The following STAU2 variants were observed in gnomAD, a reference collection of about 807,000 sequenced individuals.
STAU2 encodes double-stranded RNA-binding protein Staufen homolog 2.
A neutral mutation model predicts 65.9 loss-of-function variants in STAU2; 20 were observed. The ratio of observed to expected loss-of-function variants is 0.30; its 90% confidence interval spans 0.21 to 0.44. The LOEUF is 0.44. STAU2 is among the 20% of genes least tolerant of loss of function. The pLI is 1.00. For missense variants in STAU2, 558 were observed against 683.9 expected, an observed-to-expected ratio of 0.82 and a Z score of 2.05; for synonymous variants, 232 against 233.9, an observed-to-expected ratio of 0.99 and a Z score of 0.07.
intron 12 of STAU2, among the ~76,000 whole-genome samples, chr8:73,574,987 C>G (rs1001328465): frequency 7.3e-5 from 11 of 150,462 alleles, no homozygotes; most frequent in African/African-American, 2.2e-4. Context: ...ATTTATTATA[C>G]CCAACTTACA....
intron 10 of STAU2, among the ~76,000 whole-genome samples, chr8:73,599,022 G>T (rs1811427765): frequency 6.6e-6 from 1 of 152,112 alleles, no homozygotes; most frequent in Non-Finnish European, 1.5e-5. Context: ...ATGGATTGAA[G>T]ACAATACTAA....
At chr8:73,423,919 G>A (rs28760381) in intron 13 of STAU2, among the ~76,000 whole-genome samples, 12,440 of 152,112 alleles carry the variant, frequency 0.082, 692 homozygotes, top group Admixed American at 0.17. Flanking sequence ...GAAGTCCATG[G>A]TTTACATAAG....
In STAU2 at chr8:73,516,002, T is replaced by C. The variant is rs1425239166; in HGVS notation, c.1530+36010A>G. On this transcript the variant is annotated intron_variant, in intron 13 of 14. Transcript: ENST00000524300. ...AGGTTGGAGTGCAGTGATGTGATCA[T>C]GACTCATTGAAGCCTCAAACTCCCA... 2.7e-5 allele frequency among the ~76,000 whole-genome samples: 4 copies of C among 150,840 alleles called. No individual in the cohort carries two copies. The East Asian group carries it at 7.8e-4, about 30-fold the overall frequency.
chr8:73,579,890 C>A (rs1809857638), intron 12 of STAU2, among the ~76,000 whole-genome samples: 1 of 152,158 alleles, frequency 6.6e-6, no homozygotes, highest in African/African-American at 2.4e-5. Context: ...ACTTGCAAAA[C>A]CATTTAAACT....
rs76447116 is a variant in STAU2 at position 73,477,946 on chromosome 8, T to G, written c.1531-55244A>C. On this transcript the variant is annotated intron_variant, in intron 13 of 14. Coordinates refer to ENST00000524300, the MANE Select transcript of STAU2 (RefSeq NM_001164380.2). Reference sequence around the variant, plus strand: ...TTTTGATAACTTTATAGAAACAAATTCATTATACTGCTCTACAAACCAATC... The same window carrying G: ...TTTTGATAACTTTATAGAAACAAATGCATTATACTGCTCTACAAACCAATC... 7.4e-4 allele frequency among the ~76,000 whole-genome samples: 112 copies of G among 152,224 alleles called. 4 individuals are homozygous for G. In the East Asian group the frequency reaches 0.021, roughly 28 times the overall value.
At chr8:73,742,229 G>A (rs1806933958) in intron 1 of STAU2, 1 of 984,212 alleles carries the variant, frequency 1.0e-6, no homozygotes, top group South Asian at 4.7e-5. Flanking sequence ...ACTACCTTTG[G>A]TTTCATAAAA....
chr8:73,473,826 C>T (rs1820171556), intron 13 of STAU2, among the ~76,000 whole-genome samples: 1 of 152,182 alleles, frequency 6.6e-6, no homozygotes, highest in South Asian at 2.1e-4. Context: ...CCCACCTCAC[C>T]CTCATGCCAA....
intron 13 of STAU2, among the ~76,000 whole-genome samples, chr8:73,472,245 C>A (rs192853529): frequency 1.3e-5 from 2 of 152,244 alleles, no homozygotes; most frequent in East Asian, 3.9e-4. Context: ...TTGGGTAACA[C>A]CCAATCAAAA....
intron 13 of STAU2, among the ~76,000 whole-genome samples, chr8:73,526,960 T>C (rs554433197): frequency 1.3e-5 from 2 of 152,348 alleles, no homozygotes; most frequent in Middle Eastern, 3.4e-3. Flanking sequence ...ACACAGTTGT[T>C]CTACATACAG....
intron 13 of STAU2, among the ~76,000 whole-genome samples, chr8:73,544,647 T>C (rs556194344): frequency 6.6e-6 from 1 of 152,244 alleles, no homozygotes; most frequent in Non-Finnish European, 1.5e-5. Flanking sequence ...CTATGAACTC[T>C]TCCCTAATTC....
intron 6 of STAU2, 136 bp downstream of exon 6, chr8:73,672,971 C>G: frequency 1.3e-6 from 1 of 769,852 alleles, no homozygotes; most frequent in Non-Finnish European, 1.8e-6. Context: ...TCCTTGTGAA[C>G]CTGCTTTATC....
chr8:73,656,515 A>G (rs1476630648), intron 6 of STAU2, among the ~76,000 whole-genome samples: 1 of 152,252 alleles, frequency 6.6e-6, no homozygotes, highest in African/African-American at 2.4e-5. Flanking sequence ...TATTACTATG[A>G]CTTATCAAAT....
intron 1 of STAU2, among the ~76,000 whole-genome samples, chr8:73,746,409 C>CA (rs1201461817): frequency 1.3e-5 from 2 of 152,054 alleles, no homozygotes; most frequent in African/African-American, 4.8e-5. Context: ...CCTAGAACCC[C>CA]AGCCTCCCGC....
intron 12 of STAU2, among the ~76,000 whole-genome samples, chr8:73,566,346 T>C (rs1303250904): frequency 3.3e-5 from 5 of 152,212 alleles, no homozygotes; most frequent in African/African-American, 9.6e-5. Flanking sequence ...TAATAATAGT[T>C]AAAACAAACA....
intron 1 of STAU2, among the ~76,000 whole-genome samples, chr8:73,743,774 ATTTTTT>A (rs202012327): frequency 8.1e-6 from 1 of 123,552 alleles, no homozygotes; most frequent in South Asian, 2.5e-4. Flanking sequence ...ATGCCCGGAC[ATTTTTT>A]TTTTTTTTTG....
chr8:73,652,662 T>C (rs1439724503), intron 6 of STAU2: 1 of 151,638 alleles, frequency 6.6e-6, no homozygotes, highest in African/African-American at 2.4e-5. Context: ...GAGGTGGAAG[T>C]TGCAGTGAGC....
chr8:73,589,035 A>G (rs908153105), intron 11 of STAU2, among the ~76,000 whole-genome samples: 2 of 152,226 alleles, frequency 1.3e-5, no homozygotes, highest in African/African-American at 4.8e-5. Context: ...ATGACACAGC[A>G]AAGAAGAGAC....
intron 13 of STAU2, among the ~76,000 whole-genome samples, chr8:73,428,662 A>T (rs1817023444): frequency 6.6e-6 from 1 of 152,284 alleles, no homozygotes; most frequent in East Asian, 1.9e-4. Context: ...AAAATCTTTT[A>T]AAAAATCGTT....
chr8:73,589,242 G>C (rs1264375852), intron 11 of STAU2, among the ~76,000 whole-genome samples: 1 of 152,194 alleles, frequency 6.6e-6, no homozygotes, highest in Non-Finnish European at 1.5e-5. Flanking sequence ...CTGAGAGAGA[G>C]ACATATGCTG....
Sources: gnomAD v4.1 joint callset for allele counts (sites outside exome capture counted in the v4.1 genomes callset) on GRCh38, gnomAD v4.1.1 for gene constraint, MANE v1.5 for transcripts, NCBI Gene and HGNC (gene_info 2026-07-23, HGNC 2026-07-21) for gene names.